The following CNTNAP2 variants were observed in gnomAD, a reference collection of about 807,000 sequenced individuals.
CNTNAP2 encodes contactin-associated protein-like 2.
Under a neutral mutation model 155.2 loss-of-function variants are expected in CNTNAP2, and 98 were observed. That is an observed-to-expected ratio of 0.63 (90% CI 0.54 to 0.75). The LOEUF is 0.75. Among genes scored for constraint, CNTNAP2 ranks in the 30% least tolerant of loss-of-function variants. CNTNAP2 has a pLI of 0.00. For missense variants in CNTNAP2, 1,727 were observed against 1,688.1 expected (o/e 1.02, Z -0.40); for synonymous variants, 651 against 631.2 (o/e 1.03, Z -0.47).
At chr7:147,235,415 G>A (rs1237706263) in intron 8 of CNTNAP2, among the ~76,000 whole-genome samples, 2 of 145,556 alleles carry the variant, frequency 1.4e-5, no homozygotes, top group African/African-American at 5.1e-5. Context: ...TATCCTATTT[G>A]TTCTATTTCT....
At chr7:147,912,257 G>T (rs1018083516) in intron 14 of CNTNAP2, among the ~76,000 whole-genome samples, 4 of 152,164 alleles carry the variant, frequency 2.6e-5, no homozygotes, top group African/African-American at 9.6e-5. Context: ...AAGAAATATT[G>T]ATTCCAATTA....
chr7:147,354,074 A>G (rs1360542987), intron 9 of CNTNAP2, among the ~76,000 whole-genome samples: 1 of 151,794 alleles, frequency 6.6e-6, no homozygotes, highest in African/African-American at 2.4e-5. Flanking sequence ...ATTTTCTCCC[A>G]TTCTGTAGGT....
At chr7:148,403,024 G>A (rs1799624679) in intron 22 of CNTNAP2, among the ~76,000 whole-genome samples, 1 of 39,790 alleles carries the variant, frequency 2.5e-5, no homozygotes, top group South Asian at 8.7e-4. Flanking sequence ...ATCTTCTGTA[G>A]TTAAAAAAAA....
intron 1 of CNTNAP2, among the ~76,000 whole-genome samples, chr7:146,602,467 C>T (rs1005778518): frequency 3.9e-5 from 6 of 152,136 alleles, no homozygotes; most frequent in African/African-American, 1.4e-4. Context: ...AAGTTTTCCA[C>T]TATGACTTTC....
chr7:147,115,490 A>G (rs1800967719), intron 5 of CNTNAP2, among the ~76,000 whole-genome samples: 2 of 152,162 alleles, frequency 1.3e-5, no homozygotes, highest in South Asian at 2.1e-4. Context: ...ACATAATTCC[A>G]TATTTCTCAG....
intron 11 of CNTNAP2, among the ~76,000 whole-genome samples, chr7:147,539,957 T>A (rs964785165): frequency 3.3e-5 from 5 of 152,192 alleles, no homozygotes; most frequent in African/African-American, 4.8e-5. Context: ...CAAAGGAAAT[T>A]CGTAATAAAA....
rs562323917 is a variant in CNTNAP2, at chr7:147,738,750, G to A, written c.2098+99444G>A. Among the ~76,000 whole-genome samples the A allele has an allele frequency of 8.0e-5, 12 of 150,216 alleles. No homozygotes were observed. The East Asian group carries it at 1.6e-3, about 20-fold the overall frequency. On this transcript the variant is annotated intron_variant, in intron 13 of 23. Coordinates refer to ENST00000361727, the MANE Select transcript of CNTNAP2 (RefSeq NM_014141.6). ...GGTCACTGCAACTTCTGCCTCCTGG[G>A]TTCAGGTGATTCTCCTGCCTTAGCC...
intron 8 of CNTNAP2, among the ~76,000 whole-genome samples, chr7:147,297,810 G>C (rs1474752392): frequency 6.6e-6 from 1 of 152,172 alleles, no homozygotes; most frequent in Admixed American, 6.5e-5. Context: ...GAAATACTCT[G>C]TATTCATCTG....
chr7:146,182,781 C>T (rs1009576178), intron 1 of CNTNAP2, among the ~76,000 whole-genome samples: 9 of 152,160 alleles, frequency 5.9e-5, no homozygotes, highest in Admixed American at 2.0e-4. Flanking sequence ...CCTCACACAT[C>T]GAACTTCCTC....
At chr7:148,227,015 T>TG (rs1795865161) in intron 19 of CNTNAP2, among the ~76,000 whole-genome samples, 1 of 152,196 alleles carries the variant, frequency 6.6e-6, no homozygotes, top group African/African-American at 2.4e-5. Context: ...GCAGACCCTT[T>TG]GGGATTTTCC....
chr7:147,139,690 T>C (rs985204758), intron 8 of CNTNAP2, among the ~76,000 whole-genome samples: 1 of 152,100 alleles, frequency 6.6e-6, no homozygotes, highest in Admixed American at 6.6e-5. Context: ...GATGTGGAAA[T>C]CAGCCTTCTT....
intron 1 of CNTNAP2, among the ~76,000 whole-genome samples, chr7:146,346,160 C>G (rs945512351): frequency 9.2e-5 from 14 of 152,090 alleles, no homozygotes; most frequent in Non-Finnish European, 1.8e-4. Context: ...AACCCCTGGG[C>G]CGTGGACCTG....
chr7:148,118,070 G>A, intron 15 of CNTNAP2, 48 bp from the exon 16 acceptor site: 1 of 1,592,796 alleles, frequency 6.3e-7, no homozygotes, highest in Non-Finnish European at 8.6e-7. Flanking sequence ...ACATGACTAG[G>A]CTGATCAGGG....
At chr7:146,599,722 G>A (rs1223510667) in intron 1 of CNTNAP2, among the ~76,000 whole-genome samples, 1 of 139,328 alleles carries the variant, frequency 7.2e-6, no homozygotes, top group Non-Finnish European at 1.5e-5. Context: ...TAGAGACAGA[G>A]AGCCAGAAAG....
chr7:147,379,748 T>C (rs1357349190), intron 9 of CNTNAP2, among the ~76,000 whole-genome samples: 2 of 152,082 alleles, frequency 1.3e-5, no homozygotes, highest in African/African-American at 4.8e-5. Context: ...TTAGGTTTTA[T>C]GTGGTGGGGC....
chr7:146,598,639 A>G (rs1168420467), intron 1 of CNTNAP2, among the ~76,000 whole-genome samples: 1 of 151,922 alleles, frequency 6.6e-6, no homozygotes, highest in African/African-American at 2.4e-5. Context: ...GGCCTCTGGA[A>G]CCCCTTCCCT....
At chr7:146,946,180 C>T (rs1258396270) in intron 3 of CNTNAP2, among the ~76,000 whole-genome samples, 2 of 151,046 alleles carry the variant, frequency 1.3e-5, no homozygotes, top group East Asian at 3.9e-4. Context: ...TTCTCTCTCT[C>T]TCTCTGCTTC....
At chr7:146,339,944 G>A (rs1472164935) in intron 1 of CNTNAP2, among the ~76,000 whole-genome samples, 2 of 152,116 alleles carry the variant, frequency 1.3e-5, no homozygotes, top group Non-Finnish European at 2.9e-5. Flanking sequence ...GCCGAGGCGG[G>A]CGGATCACGA....
intron 3 of CNTNAP2, 80 bp from the exon 4 acceptor site, chr7:147,043,827 G>T (rs1237470712): frequency 2.6e-6 from 4 of 1,525,056 alleles, no homozygotes; most frequent in Middle Eastern, 1.7e-4. Context: ...GATGACATTT[G>T]TGTTTATTCT....
Sources: allele counts gnomAD v4.1 joint callset (sites outside exome capture counted in the v4.1 genomes callset), GRCh38; gene constraint gnomAD v4.1.1; transcripts MANE v1.5; gene names NCBI Gene and HGNC (gene_info 2026-07-23, HGNC 2026-07-21).